RNF216: variants seen among roughly 807,000 people sequenced by gnomAD.
RNF216 encodes the protein E3 ubiquitin-protein ligase RNF216.
A neutral mutation model predicts 110.8 loss-of-function variants in RNF216; 72 were observed. The observed-to-expected ratio is 0.65, with a 90% confidence interval of 0.54 to 0.79. The LOEUF is 0.79. Among genes scored for constraint, RNF216 ranks in the 30% least tolerant of loss-of-function variants. The probability of loss-of-function intolerance (pLI) is 0.00; values close to 1 mark genes in which losing one functional copy is unlikely to be tolerated. For missense variants in RNF216, 1,342 were observed against 1,141.2 expected, an observed-to-expected ratio of 1.18 and a Z score of -2.54; for synonymous variants, 495 against 407.5, an observed-to-expected ratio of 1.21 and a Z score of -2.59.
intron 13 of RNF216, among the ~76,000 whole-genome samples, chr7:5,668,536 T>C (rs764892505): frequency 1.3e-5 from 2 of 152,178 alleles, no homozygotes; most frequent in East Asian, 1.9e-4. Context: ...AAGCGGACTT[T>C]TAATCTTTCC....
chr7:5,682,148 G>C (rs1044615648), intron 13 of RNF216, among the ~76,000 whole-genome samples: 1 of 152,182 alleles, frequency 6.6e-6, no homozygotes. Context: ...AAAACCGTTG[G>C]CTTTCTTTCC....
intron 13 of RNF216, among the ~76,000 whole-genome samples, chr7:5,700,104 C>T (rs954560234): frequency 1.6e-4 from 25 of 152,282 alleles, no homozygotes; most frequent in African/African-American, 5.3e-4. Context: ...CAGACACCCA[C>T]GGGGACAGGG....
chr7:5,745,464 A>C (rs1334129512), intron 3 of RNF216, among the ~76,000 whole-genome samples: 1 of 152,236 alleles, frequency 6.6e-6, no homozygotes, highest in African/African-American at 2.4e-5. Flanking sequence ...TTTTTGAGGA[A>C]GTACCGTAAT....
chr7:5,712,912 G>A (rs2128630453), intron 11 of RNF216, 49 bp from the exon 12 acceptor site: 1 of 1,552,694 alleles, frequency 6.4e-7, no homozygotes, highest in Middle Eastern at 1.7e-4. Flanking sequence ...ACCATTTATA[G>A]AAAAATAAAA....
chr7:5,627,456 G>A (rs539759851), intron 15 of RNF216, among the ~76,000 whole-genome samples: 11 of 152,256 alleles, frequency 7.2e-5, no homozygotes, highest in African/African-American at 2.4e-4. Flanking sequence ...CAATTTCATA[G>A]CATTAAAGAC....
rs1184055491 is a variant in RNF216, at chr7:5,652,447, C to A, written c.2125G>T (p.Ala709Ser). Residue 709 changes from alanine (A) to serine (S), a missense_variant, in exon 14 of 17, where the codon GCT becomes TCT. Transcript: ENST00000389902. Reference sequence around the variant, plus strand: ...CGGTACTTGATGTCGTCTTTTTCAGCCAGCTCTTCACAGGTGAGGCCATTA... The same window carrying A: ...CGGTACTTGATGTCGTCTTTTTCAGACAGCTCTTCACAGGTGAGGCCATTA... The part of the protein sequence containing the change: ...EHNGLTCEEL[A>S]EKDDIKYRTS... 3.7e-6 allele frequency: 6 copies of A among 1,613,656 alleles called. 1 individual carries two copies. The Admixed American group carries it at 1.0e-4, about 27-fold the overall frequency.
intron 13 of RNF216, among the ~76,000 whole-genome samples, chr7:5,707,218 T>C (rs1356269296): frequency 6.6e-6 from 1 of 152,242 alleles, no homozygotes; most frequent in Admixed American, 6.5e-5. Context: ...TTCTTCTTTC[T>C]TAAGACTGTC....
At chr7:5,692,054 G>A (rs560929076) in intron 13 of RNF216, among the ~76,000 whole-genome samples, 4 of 152,284 alleles carry the variant, frequency 2.6e-5, no homozygotes, top group East Asian at 1.9e-4. Flanking sequence ...TATAATTTCC[G>A]ACATTCCTAC....
chr7:5,753,039 A>T (rs1282725485), intron 2 of RNF216, 60 bp from the exon 3 acceptor site: 1 of 1,547,402 alleles, frequency 6.5e-7, no homozygotes, highest in Non-Finnish European at 8.7e-7. Flanking sequence ...CCAACTCTTT[A>T]AGTTTTTCCT....
At chr7:5,649,006 GA>G (rs944407707) in intron 14 of RNF216, among the ~76,000 whole-genome samples, 3 of 152,068 alleles carry the variant, frequency 2.0e-5, no homozygotes, top group African/African-American at 7.2e-5. Context: ...TGCTATATAA[GA>G]AAAAAAGGTT....
At chr7:5,770,384 C>A (rs1394055429) in intron 1 of RNF216, among the ~76,000 whole-genome samples, 1 of 151,640 alleles carries the variant, frequency 6.6e-6, no homozygotes, top group Non-Finnish European at 1.5e-5. Context: ...TCACTTGAAC[C>A]TGGGAGGCGG....
chr7:5,776,647 G>A (rs1162685038), intron 1 of RNF216, among the ~76,000 whole-genome samples: 12 of 149,706 alleles, frequency 8.0e-5, no homozygotes, highest in Non-Finnish European at 1.8e-4. Context: ...GTCAGTGAAG[G>A]TTTCACAGGA....
intron 1 of RNF216, chr7:5,780,123 C>A (rs367553530): frequency 7.2e-5 from 11 of 152,286 alleles, no homozygotes; most frequent in Admixed American, 6.5e-4. Context: ...CAACCCAGCC[C>A]CTTCCAGGAG....
chr7:5,626,732 C>A (rs533445035), intron 15 of RNF216, among the ~76,000 whole-genome samples: 1 of 152,006 alleles, frequency 6.6e-6, no homozygotes, highest in South Asian at 2.1e-4. Context: ...GGGCCGTGGG[C>A]CTACACCTCT....
chr7:5,709,439 T>C (rs1158285500), intron 13 of RNF216, among the ~76,000 whole-genome samples: 1 of 152,232 alleles, frequency 6.6e-6, no homozygotes, highest in Non-Finnish European at 1.5e-5. Flanking sequence ...TCCGTTGTTG[T>C]TGAACTGTTC....
At chr7:5,745,305 T>C (rs1182242639) in intron 3 of RNF216, among the ~76,000 whole-genome samples, 3 of 152,204 alleles carry the variant, frequency 2.0e-5, no homozygotes, top group Admixed American at 2.0e-4. Context: ...AAAAATTTTT[T>C]TAAGTCAAAG....
Position 5,741,347 on chromosome 7 carries a change from T to G in RNF216, c.670A>C (p.Ile224Leu). The stretch of plus-strand genomic sequence containing the variant: ...TGATCTAACCAGCAGTCTTCTTCGA[T>G]GGCCTGATCATCTGCTAGAGCAGCT... ...ESAALADDQAIEEDCWLDHPY... is the reference protein window; with the variant it reads ...ESAALADDQALEEDCWLDHPY... The change falls in exon 4 of 17, where the codon ATC becomes CTC. Residue 224 changes from isoleucine to leucine, a missense_variant. Coordinates refer to ENST00000389902, the MANE Select transcript of RNF216 (RefSeq NM_207111.4). 6.2e-7 allele frequency: 1 copy of G among 1,614,212 alleles called. No individual in the cohort carries two copies. The highest frequency in any genetic ancestry group is 8.5e-7 in the Non-Finnish European group (1 of 1,180,018).
chr7:5,684,827 C>T (rs931539996), intron 13 of RNF216, among the ~76,000 whole-genome samples: 1 of 146,498 alleles, frequency 6.8e-6, no homozygotes, highest in Non-Finnish European at 1.5e-5. Context: ...ACATGCCTCA[C>T]ATTTTTAAGG....
At chr7:5,657,359 G>A (rs989589168) in intron 13 of RNF216, among the ~76,000 whole-genome samples, 3 of 152,280 alleles carry the variant, frequency 2.0e-5, no homozygotes, top group Admixed American at 6.5e-5. Flanking sequence ...CCTGAGGTTG[G>A]GAGTTCGAGA....
Sources: allele counts gnomAD v4.1 joint callset (sites outside exome capture counted in the v4.1 genomes callset), GRCh38; gene constraint gnomAD v4.1.1; transcripts MANE v1.5; gene names NCBI Gene and HGNC (gene_info 2026-07-23, HGNC 2026-07-21).